SUGCT: variants seen among roughly 807,000 people sequenced by gnomAD.
SUGCT encodes succinyl-CoA:glutarate CoA-transferase.
Under a neutral mutation model 55.0 loss-of-function variants are expected in SUGCT, and 41 were observed. The observed-to-expected ratio is 0.74, with a 90% CI of 0.58 to 0.97. The LOEUF (loss-of-function observed/expected upper bound fraction) is 0.97, where lower values mean the gene tolerates loss of function less well. Ranked by LOEUF, SUGCT falls within the 50% of genes least tolerant of loss-of-function variation. The probability of loss-of-function intolerance (pLI) is 0.00; values close to 1 mark genes in which losing one functional copy is unlikely to be tolerated. For missense variants in SUGCT, 568 were observed against 547.8 expected, an observed-to-expected ratio of 1.04 and a Z score of -0.37; for synonymous variants, 187 against 200.4, an observed-to-expected ratio of 0.93 and a Z score of 0.56.
chr7:40,841,785 A>G (rs1793293378), intron 13 of SUGCT, among the ~76,000 whole-genome samples: 2 of 152,178 alleles, frequency 1.3e-5, no homozygotes, highest in Admixed American at 1.3e-4. Flanking sequence ...TTCATAGACA[A>G]TGGCCATCTC....
intron 9 of SUGCT, among the ~76,000 whole-genome samples, chr7:40,402,100 C>T (rs1234228325): frequency 6.6e-6 from 1 of 151,842 alleles, no homozygotes. Context: ...ATGTCTTTAC[C>T]CCTTATATAC....
chr7:40,650,941 C>T lies in SUGCT; in HGVS notation c.1090-98493C>T, dbSNP rs559220098. Among the ~76,000 whole-genome samples, 21 of 152,252 alleles carry T rather than the reference C, an allele frequency of 1.4e-4. No individual in the cohort carries two copies. The Middle Eastern group carries it at 0.01, about 74-fold the overall frequency. ...GTGTCCATGTGTTCTCATTGCTCAG[C>T]TTCCACCTATAAACAAGAACATAAT... On this transcript the variant is annotated intron_variant, in intron 12 of 13. Coordinates refer to ENST00000335693, the MANE Select transcript of SUGCT (RefSeq NM_001193313.2).
At chr7:40,804,726 G>A (rs1791001284) in intron 13 of SUGCT, among the ~76,000 whole-genome samples, 2 of 152,140 alleles carry the variant, frequency 1.3e-5, no homozygotes, top group Admixed American at 1.3e-4. Flanking sequence ...GCTTCCCATA[G>A]GTAAACACTG....
chr7:40,624,963 A>C (rs1463412774), intron 12 of SUGCT, among the ~76,000 whole-genome samples: 1 of 152,096 alleles, frequency 6.6e-6, no homozygotes, highest in Non-Finnish European at 1.5e-5. Flanking sequence ...ATCATAGTGC[A>C]TTCTTATCTT....
At chr7:40,629,270 T>A (rs1326398888) in intron 12 of SUGCT, among the ~76,000 whole-genome samples, 1 of 152,222 alleles carries the variant, frequency 6.6e-6, no homozygotes, top group Non-Finnish European at 1.5e-5. Flanking sequence ...TCAAGGCATG[T>A]CAGATCTAAA....
chr7:40,359,542 T>G (rs1169583170), intron 9 of SUGCT, among the ~76,000 whole-genome samples: 2 of 152,158 alleles, frequency 1.3e-5, no homozygotes, highest in African/African-American at 4.8e-5. Context: ...GGACCTGACG[T>G]GGCAATATCA....
chr7:41,008,249 A>G, the SUGCT span, among the ~76,000 whole-genome samples: 168 of 152,302 alleles, frequency 1.1e-3, no homozygotes, highest in African/African-American at 3.8e-3. Flanking sequence ...AGGAGTTTCC[A>G]TGCAAGTGCT....
At chr7:40,705,478 A>T (rs1228280678) in intron 12 of SUGCT, among the ~76,000 whole-genome samples, 1 of 151,842 alleles carries the variant, frequency 6.6e-6, no homozygotes, top group African/African-American at 2.4e-5. Context: ...CAGTGATTCT[A>T]TTTTCTAATT....
chr7:40,253,361 C>T (rs967986949), intron 7 of SUGCT, among the ~76,000 whole-genome samples: 1 of 152,198 alleles, frequency 6.6e-6, no homozygotes, highest in Non-Finnish European at 1.5e-5. Context: ...CTCTCCAGCT[C>T]CTTATCCTCC....
At chr7:40,347,510 T>C (rs1340163538) in intron 9 of SUGCT, among the ~76,000 whole-genome samples, 1 of 152,206 alleles carries the variant, frequency 6.6e-6, no homozygotes, top group African/African-American at 2.4e-5. Flanking sequence ...TGAATGCTTA[T>C]AGTAAAATGG....
intron 11 of SUGCT, among the ~76,000 whole-genome samples, chr7:40,470,747 GTCTC>G (rs34012862): frequency 0.054 from 7,922 of 146,226 alleles, 321 homozygotes; most frequent in African/African-American, 0.11. Context: ...TAAGTGAACA[GTCTC>G]TCTCTCTCTC....
the SUGCT span, among the ~76,000 whole-genome samples, chr7:40,914,479 C>T: frequency 2.0e-5 from 3 of 151,944 alleles, no homozygotes; most frequent in Non-Finnish European, 4.4e-5. Context: ...GTTTTGTCAC[C>T]CAATTAATGG....
chr7:40,573,444 A>C lies in SUGCT; in HGVS notation c.1089+77058A>C, dbSNP rs1252991436. 2.0e-5 allele frequency among the ~76,000 whole-genome samples: 3 copies of C among 151,748 alleles called. No homozygotes were observed. The East Asian group carries it at 5.8e-4, about 29-fold the overall frequency. Reference sequence around the variant, plus strand: ...CCCTCCCTCCCCATCCACCTTACCCAGGTGTGACTTAATCCAGTCTATTTT... The same window carrying C: ...CCCTCCCTCCCCATCCACCTTACCCCGGTGTGACTTAATCCAGTCTATTTT... On this transcript the variant is annotated intron_variant, in intron 12 of 13. Coordinates refer to ENST00000335693, the MANE Select transcript of SUGCT (RefSeq NM_001193313.2).
chr7:41,037,927 A>C, the SUGCT span, among the ~76,000 whole-genome samples: 14 of 152,168 alleles, frequency 9.2e-5, no homozygotes, highest in African/African-American at 3.4e-4. Context: ...TTGGTTCTTA[A>C]TCCATATAAA....
intron 12 of SUGCT, among the ~76,000 whole-genome samples, chr7:40,627,652 A>G (rs757897205): frequency 1.3e-5 from 2 of 152,216 alleles, no homozygotes; most frequent in Non-Finnish European, 2.9e-5. Context: ...AACCAATCAG[A>G]GGTAGTTTCA....
chr7:40,147,327 A>G (rs897638687), intron 1 of SUGCT, among the ~76,000 whole-genome samples: 1 of 152,076 alleles, frequency 6.6e-6, no homozygotes, highest in Non-Finnish European at 1.5e-5. Flanking sequence ...CCCCCCCATC[A>G]TGGGGATTTC....
rs75569645 is a variant in SUGCT, at chr7:40,279,182, G to C, written c.720+4526G>C. Among the ~76,000 whole-genome samples the C allele has an allele frequency of 9.7e-3, 1,479 of 152,058 alleles. 20 individuals are homozygous for C. Among genetic ancestry groups the C allele is most frequent in the African/African-American group, 0.034 (1,406 of 41,480 alleles). On this transcript the variant is annotated intron_variant, in intron 8 of 13. Transcript: ENST00000335693. ...TTCTTATACCGTATTATTCCAAAAA[G>C]TTTCAGAATCTTACAGTAGTTCCCA...
intron 12 of SUGCT, among the ~76,000 whole-genome samples, chr7:40,511,509 G>A (rs1432479987): frequency 6.6e-6 from 1 of 152,130 alleles, no homozygotes; most frequent in East Asian, 1.9e-4. Flanking sequence ...TTAGTTAATA[G>A]CCCTGTATCC....
At chr7:40,864,472 A>G (rs1337155294), downstream of SUGCT, among the ~76,000 whole-genome samples, 1 of 152,082 alleles carries the variant, frequency 6.6e-6, no homozygotes, top group Non-Finnish European at 1.5e-5. Context: ...CTTTTAAACA[A>G]GGTGGGCAGT....
Sources: gnomAD v4.1 joint callset for allele counts (sites outside exome capture counted in the v4.1 genomes callset) on GRCh38, gnomAD v4.1.1 for gene constraint, MANE v1.5 for transcripts, NCBI Gene and HGNC (gene_info 2026-07-23, HGNC 2026-07-21) for gene names.